The following ZNF208 variants were observed in gnomAD, a reference collection of about 807,000 sequenced individuals.
The protein encoded by ZNF208 is zinc finger protein 208.
A neutral mutation model predicts 12.1 loss-of-function variants in ZNF208; 10 were observed. The ratio of observed to expected loss-of-function variants is 0.83; its 90% CI spans 0.51 to 1.40. The LOEUF (loss-of-function observed/expected upper bound fraction) is 1.40, where lower values mean the gene tolerates loss of function less well. ZNF208 is among the 40% of genes most tolerant of loss of function. ZNF208 has a pLI of 0.00. For synonymous variants in ZNF208, 497 were observed against 488.4 expected, an observed-to-expected ratio of 1.02 and a Z score of -0.23; for missense variants, 1,652 against 1,485.0, an observed-to-expected ratio of 1.11 and a Z score of -1.85.
chr19:21,977,735 C>T (rs2214300), intron 3 of ZNF208, among the ~76,000 whole-genome samples: 17,565 of 152,144 alleles, frequency 0.12, 1,374 homozygotes, highest in South Asian at 0.18. Flanking sequence ...AAGACAGAAC[C>T]GTTCACTCCC....
intron 3 of ZNF208, among the ~76,000 whole-genome samples, chr19:21,975,541 A>C (rs1970413073): frequency 1.3e-5 from 2 of 152,160 alleles, no homozygotes; most frequent in Admixed American, 1.3e-4. Context: ...CTACATTATA[A>C]ATTTTGTGAC....
Position 21,971,306 on chromosome 19 carries a change from T to C in ZNF208, c.3728A>G (p.His1243Arg), listed in dbSNP as rs781240215. The change falls in exon 4 of 4, where the codon CAT becomes CGT. Residue 1243 changes from histidine to arginine, a missense_variant. Transcript: ENST00000397126. The part of the protein sequence containing the change: ...AFSTFSILTK[H>R]KVIHTGEKPY... ...TTTCTCTCCAGTATGAATTACCTTA[T>C]GTTTAGTGAGGATTGAGAACGTACT... is the stretch of plus-strand genomic sequence containing the variant. 62 of 1,612,008 alleles carry C rather than the reference T, an allele frequency of 3.8e-5. No homozygotes were observed. The highest frequency in any genetic ancestry group is 4.9e-5 in the Non-Finnish European group (58 of 1,179,950).
At chr19:21,958,712 T>G (rs1016188167) in intron 4 of ZNF208, among the ~76,000 whole-genome samples, 1 of 149,658 alleles carries the variant, frequency 6.7e-6, no homozygotes, top group African/African-American at 2.5e-5. Context: ...CTGAGATACT[T>G]AAACCAGCCC....
chr19:21,989,335 G>GT (rs1970686413), intron 1 of ZNF208, among the ~76,000 whole-genome samples: 1 of 148,992 alleles, frequency 6.7e-6, no homozygotes, highest in African/African-American at 2.5e-5. Context: ...AGAACATGCG[G>GT]TGTTTGGTTT....
At chr19:22,008,537 A>G (rs1248848334) in intron 1 of ZNF208, among the ~76,000 whole-genome samples, 4 of 142,534 alleles carry the variant, frequency 2.8e-5, no homozygotes, top group African/African-American at 1.1e-4. Flanking sequence ...TTCTTGCACC[A>G]TCTCACTGGG....
At chr19:21,990,869 T>G (rs565738636) in intron 1 of ZNF208, among the ~76,000 whole-genome samples, 1 of 152,342 alleles carries the variant, frequency 6.6e-6, no homozygotes, top group Non-Finnish European at 1.5e-5. Context: ...TTTGAAGCAA[T>G]TGTGAATGGG....
At chr19:21,985,639 CTG>C (rs758155540) in intron 3 of ZNF208, among the ~76,000 whole-genome samples, 1 of 152,212 alleles carries the variant, frequency 6.6e-6, no homozygotes. Flanking sequence ...CAGCCACAGT[CTG>C]TGAGAGGTCT....
chr19:21,946,929 C>T lies in ZNF208; in HGVS notation c.306-13692G>A, dbSNP rs544411563. 7.9e-5 allele frequency among the ~76,000 whole-genome samples: 12 copies of T among 151,164 alleles called. No individual in the cohort carries two copies. The South Asian group carries it at 1.9e-3, about 24-fold the overall frequency. On this transcript the variant is annotated intron_variant, in intron 4 of 4. Transcript: ENST00000599916. ...CCAACAGCCAATGAAGGTGTTGGCA[C>T]AAGAACTTCCAGTCTTTTTTTTTTC...
chr19:21,988,703 C>A, intron 2 of ZNF208, 80 bp downstream of exon 2: 1 of 1,609,214 alleles, frequency 6.2e-7, no homozygotes, highest in Non-Finnish European at 8.5e-7. Flanking sequence ...ATTCATCCTC[C>A]GTTGTTCAGT....
In ZNF208 at chr19:22,008,003, TAA is replaced by T. The variant is rs139821713; in HGVS notation, c.3+2787_3+2788del. ...TGGGTGACAGAGGAAAGCACTGTCT[TAA>T]AAAAAAAAAAAAAAAAGGGCCGGGC... On this transcript the variant is annotated intron_variant, in intron 1 of 3. Coordinates refer to ENST00000397126, the MANE Select transcript of ZNF208 (RefSeq NM_007153.3). Among the ~76,000 whole-genome samples, 17 of 99,100 alleles carry T rather than the reference TAA, an allele frequency of 1.7e-4. No individual in the cohort carries two copies. In the East Asian group the frequency reaches 1.8e-3, roughly 10 times the overall value. 65.0% of individuals were successfully genotyped at this position (99,100 alleles called of 152,430 possible).
intron 1 of ZNF208, among the ~76,000 whole-genome samples, chr19:22,002,521 C>T (rs1288694759): frequency 1.3e-5 from 2 of 151,916 alleles, no homozygotes; most frequent in Non-Finnish European, 2.9e-5. Flanking sequence ...AAGAAATGTA[C>T]AAAAATTAGT....
intron 3 of ZNF208, among the ~76,000 whole-genome samples, chr19:21,975,842 A>C (rs2145554071): frequency 6.8e-6 from 1 of 146,700 alleles, no homozygotes; most frequent in African/African-American, 2.6e-5. Flanking sequence ...AAAAAAAAAA[A>C]AAAAAAAAAG....
chr19:21,977,780 T>C (rs1970461258), intron 3 of ZNF208, among the ~76,000 whole-genome samples: 1 of 152,162 alleles, frequency 6.6e-6, no homozygotes, highest in Non-Finnish European at 1.5e-5. Flanking sequence ...AGCAAAGTGG[T>C]CTGGCTTGGC....
intron 1 of ZNF208, among the ~76,000 whole-genome samples, chr19:22,008,886 C>T (rs1004993907): frequency 6.6e-6 from 1 of 152,092 alleles, no homozygotes; most frequent in African/African-American, 2.4e-5. Context: ...CACTGTGTAC[C>T]TCAGGTTGTC....
intron 4 of ZNF208, among the ~76,000 whole-genome samples, chr19:21,960,041 T>C (rs1256495405): frequency 6.6e-6 from 1 of 152,090 alleles, no homozygotes; most frequent in Non-Finnish European, 1.5e-5. Context: ...ATTTTTAGAT[T>C]AAAAAAGTAA....
rs200054294 is a variant in ZNF208, at chr19:21,941,574, C to CTTT, written c.306-8340_306-8338dup. The CTTT allele has an allele frequency of 6.4e-3, 2,163 of 338,048 alleles. 31 individuals carry two copies. Among genetic ancestry groups the CTTT allele is most frequent in the African/African-American group, 0.041 (1,889 of 45,882 alleles). The allele number at this position is 338,048 out of a possible 1,614,324, so 20.9% of individuals were successfully genotyped here. On this transcript the variant is annotated intron_variant, in intron 4 of 4. Transcript: ENST00000599916. The stretch of plus-strand genomic sequence containing the variant: ...TTTAAACTAAAGTGTCATGCTTTAG[C>CTTT]TTTTTTTTTTTTGAGTTCTTATAAT...
intron 1 of ZNF208, among the ~76,000 whole-genome samples, chr19:21,995,863 A>G (rs1228741263): frequency 6.6e-6 from 1 of 152,198 alleles, no homozygotes; most frequent in Non-Finnish European, 1.5e-5. Flanking sequence ...TGAAAAGGTC[A>G]AAAAGCCACA....
chr19:21,987,523 C>G (rs1599624650), intron 2 of ZNF208, among the ~76,000 whole-genome samples: 1 of 152,150 alleles, frequency 6.6e-6, no homozygotes, highest in Non-Finnish European at 1.5e-5. Flanking sequence ...CCACAGGAGG[C>G]CTCCGAGGAG....
At position 21,950,484 on chromosome 19, in the gene ZNF208, C is replaced by A. The variant is rs373956163; in HGVS notation, c.306-17247G>T. Among the ~76,000 whole-genome samples, 26 of 142,928 alleles carry A rather than the reference C, an allele frequency of 1.8e-4. No individual in the cohort carries two copies. The East Asian group carries it at 4.2e-3, about 23-fold the overall frequency. 93.8% of individuals were successfully genotyped at this position (142,928 alleles called of 152,430 possible). ...TAGGCCCTGGAAACTATATGCCTAGCCCTGTTCTTTTTTTTTTTTTTTTAT... is the reference window on the plus strand; with the variant it reads ...TAGGCCCTGGAAACTATATGCCTAGACCTGTTCTTTTTTTTTTTTTTTTAT... On this transcript the variant is annotated intron_variant, in intron 4 of 4. Coordinates refer to the ZNF208 transcript ENST00000599916.
Sources: gnomAD v4.1 joint callset for allele counts (sites outside exome capture counted in the v4.1 genomes callset) on GRCh38, gnomAD v4.1.1 for gene constraint, MANE v1.5 for transcripts, NCBI Gene and HGNC (gene_info 2026-07-23, HGNC 2026-07-21) for gene names.